LDLRAD3: variants seen among roughly 807,000 people sequenced by gnomAD.
LDLRAD3 encodes low-density lipoprotein receptor class A domain-containing protein 3.
LDLRAD3 carries 20 observed loss-of-function variants against 29.4 expected under a neutral mutation model. That is an observed-to-expected ratio of 0.68 (90% CI 0.48 to 0.99). The LOEUF is 0.99. LDLRAD3 is among the 50% of genes least tolerant of loss of function. The pLI is 0.00. For synonymous variants in LDLRAD3, 157 were observed against 192.7 expected (o/e 0.81, Z 1.53); for missense variants, 420 against 454.3 (o/e 0.92, Z 0.69).
chr11:35,962,755 T>C (rs1460014022), intron 1 of LDLRAD3, among the ~76,000 whole-genome samples: 1 of 152,162 alleles, frequency 6.6e-6, no homozygotes, highest in Non-Finnish European at 1.5e-5. Context: ...GAAATTAAAA[T>C]CTCTGTAGAC....
intron 1 of LDLRAD3, among the ~76,000 whole-genome samples, chr11:36,003,254 G>A (rs1487570791): frequency 2.6e-5 from 4 of 152,206 alleles, no homozygotes. Flanking sequence ...GAGTGAGTGT[G>A]TGTCACATCT....
At chr11:35,971,832 G>C (rs888518943) in intron 1 of LDLRAD3, among the ~76,000 whole-genome samples, 5 of 152,158 alleles carry the variant, frequency 3.3e-5, no homozygotes, top group African/African-American at 1.2e-4. Context: ...CTACAGAGGT[G>C]GGAGGAAGAG....
At chr11:36,133,547 CTTTT>C (rs67935336) in intron 4 of LDLRAD3, among the ~76,000 whole-genome samples, 3 of 119,886 alleles carry the variant, frequency 2.5e-5, no homozygotes, top group Non-Finnish European at 3.4e-5. Flanking sequence ...TTTTTCTTTT[CTTTT>C]TTTTTTTTTT....
chr11:36,154,057 C>G (rs1239649031), intron 4 of LDLRAD3, among the ~76,000 whole-genome samples: 1 of 152,150 alleles, frequency 6.6e-6, no homozygotes, highest in Non-Finnish European at 1.5e-5. Flanking sequence ...CCAGTTGTGT[C>G]TCAACCACTG....
chr11:36,017,549 T>C (rs1852039076), intron 1 of LDLRAD3, among the ~76,000 whole-genome samples: 1 of 151,716 alleles, frequency 6.6e-6, no homozygotes, highest in African/African-American at 2.4e-5. Context: ...TTTTTTTTTT[T>C]TTTGAGTCTC....
At chr11:36,006,566 GT>G (rs1454796856) in intron 1 of LDLRAD3, among the ~76,000 whole-genome samples, 1 of 152,200 alleles carries the variant, frequency 6.6e-6, no homozygotes, top group African/African-American at 2.4e-5. Context: ...AGTTCCTAGT[GT>G]TTAAGAGTGT....
intron 4 of LDLRAD3, among the ~76,000 whole-genome samples, chr11:36,192,107 T>A (rs1477656983): frequency 3.9e-5 from 6 of 152,214 alleles, no homozygotes; most frequent in African/African-American, 7.2e-5. Context: ...GGTCAAAGAA[T>A]GCGATCGCTT....
chr11:36,008,895 A>G (rs148488943), intron 1 of LDLRAD3, among the ~76,000 whole-genome samples: 1 of 152,336 alleles, frequency 6.6e-6, no homozygotes, highest in African/African-American at 2.4e-5. Context: ...TTACAGCAGC[A>G]TTACAACTGT....
At chr11:36,192,023 A>G (rs1274740938) in intron 4 of LDLRAD3, among the ~76,000 whole-genome samples, 1 of 152,198 alleles carries the variant, frequency 6.6e-6, no homozygotes, top group African/African-American at 2.4e-5. Context: ...CAAGCATGCT[A>G]TTTAGAGATA....
intron 1 of LDLRAD3, among the ~76,000 whole-genome samples, chr11:35,948,436 TCGTG>T (rs1387377030): frequency 8.5e-6 from 1 of 117,492 alleles, no homozygotes; most frequent in Non-Finnish European, 1.7e-5. Context: ...AGTTGGCTGA[TCGTG>T]TGTGTGTGTG....
chr11:36,047,344 G>A (rs989305769), intron 2 of LDLRAD3, among the ~76,000 whole-genome samples: 20 of 152,206 alleles, frequency 1.3e-4, no homozygotes, highest in African/African-American at 3.4e-4. Flanking sequence ...GCATTTCACC[G>A]TCTTGATCAT....
chr11:35,968,395 C>T, intron 1 of LDLRAD3: 1 of 359,904 alleles, frequency 2.8e-6, no homozygotes, highest in South Asian at 2.8e-5. Flanking sequence ...CACCATGTGG[C>T]TGCTTGTTCC....
At chr11:36,177,141 T>C (rs767067745) in intron 4 of LDLRAD3, among the ~76,000 whole-genome samples, 15 of 152,148 alleles carry the variant, frequency 9.9e-5, no homozygotes, top group Non-Finnish European at 1.6e-4. Context: ...TTTCTCTGAG[T>C]GTGTCTTTTA....
chr11:35,987,996 A>G (rs770436099), intron 1 of LDLRAD3, among the ~76,000 whole-genome samples: 2 of 151,964 alleles, frequency 1.3e-5, no homozygotes, highest in Non-Finnish European at 2.9e-5. Context: ...TATGGTTTTG[A>G]TTTGCATTTC....
At chr11:36,018,690 C>T (rs986261249) in intron 1 of LDLRAD3, among the ~76,000 whole-genome samples, 1 of 152,120 alleles carries the variant, frequency 6.6e-6, no homozygotes, top group Non-Finnish European at 1.5e-5. Context: ...AGAGATGGTA[C>T]CAATTTATAC....
intron 3 of LDLRAD3, among the ~76,000 whole-genome samples, chr11:36,089,612 T>C (rs538109098): frequency 3.9e-5 from 6 of 152,136 alleles, no homozygotes; most frequent in Non-Finnish European, 2.9e-5. Flanking sequence ...CCAATACATA[T>C]GTTTTAGAGA....
intron 1 of LDLRAD3, chr11:35,968,096 G>T (rs1033061967): frequency 1.3e-5 from 6 of 448,330 alleles, no homozygotes; most frequent in Non-Finnish European, 2.2e-5. Flanking sequence ...AAGCCATGTT[G>T]GTTTCTCATA....
At chr11:35,991,869 G>T (rs2422121) in intron 1 of LDLRAD3, among the ~76,000 whole-genome samples, 11 of 84,368 alleles carry the variant, frequency 1.3e-4, no homozygotes, top group Non-Finnish European at 2.2e-4. Flanking sequence ...ATGGTTGTTT[G>T]TGTGTGTGTG....
At chr11:36,075,303 G>GGCTTTTTCCTTGGCCTTTTTAT (rs1852978548) in intron 2 of LDLRAD3, among the ~76,000 whole-genome samples, 4 of 151,854 alleles carry the variant, frequency 2.6e-5, no homozygotes, top group African/African-American at 9.7e-5. Context: ...CATTTCATAT[G>GGCTTTTTCCTTGGCCTTTTTAT]CCTTTCACTG....
Sources: allele counts gnomAD v4.1 joint callset (sites outside exome capture counted in the v4.1 genomes callset), GRCh38; gene constraint gnomAD v4.1.1; transcripts MANE v1.5; gene names NCBI Gene and HGNC (gene_info 2026-07-23, HGNC 2026-07-21).